Variants in ASAP1 observed in about 807,000 individuals in gnomAD.
ASAP1 encodes the protein arf-GAP with SH3 domain, ANK repeat and PH domain-containing protein 1.
A neutral mutation model predicts 145.2 loss-of-function variants in ASAP1; 43 were observed. The ratio of observed to expected loss-of-function variants is 0.30; its 90% confidence interval spans 0.23 to 0.38. The LOEUF (loss-of-function observed/expected upper bound fraction) is 0.38. Ranked by LOEUF, ASAP1 falls within the 10% of genes least tolerant of loss-of-function variation. The pLI, the probability that ASAP1 is intolerant of heterozygous loss-of-function variation, is 1.00. For synonymous variants in ASAP1, 546 were observed against 515.5 expected (o/e 1.06, Z -0.80); for missense variants, 1,018 against 1,355.3 (o/e 0.75, Z 3.91).
At chr8:130,160,039 G>C (rs1482298298) in intron 11 of ASAP1, 75 bp from the exon 12 acceptor site, 4 of 1,291,992 alleles carry the variant, frequency 3.1e-6, no homozygotes, top group African/African-American at 2.9e-5. Flanking sequence ...CTGCCATTGA[G>C]CCTTTGGCAC....
chr8:130,232,900 C>T (rs1817995014), intron 4 of ASAP1, among the ~76,000 whole-genome samples: 2 of 152,180 alleles, frequency 1.3e-5, no homozygotes, highest in Non-Finnish European at 2.9e-5. Context: ...TAGCAGGGTT[C>T]AGCTTCTTGT....
chr8:130,373,069 T>A (rs1827295282), intron 2 of ASAP1, among the ~76,000 whole-genome samples: 1 of 119,916 alleles, frequency 8.3e-6, no homozygotes, highest in African/African-American at 3.3e-5. Context: ...GACACAGACA[T>A]AAGCACACAC....
chr8:130,323,513 T>C (rs181211481), intron 3 of ASAP1, among the ~76,000 whole-genome samples: 195 of 152,300 alleles, frequency 1.3e-3, no homozygotes, highest in African/African-American at 4.5e-3. Flanking sequence ...CCCTGTCATG[T>C]TGGATAAGAA....
At chr8:130,223,913 A>G (rs1817440422) in intron 4 of ASAP1, among the ~76,000 whole-genome samples, 1 of 152,174 alleles carries the variant, frequency 6.6e-6, no homozygotes, top group Non-Finnish European at 1.5e-5. Context: ...TAGCTGGGAT[A>G]CACGCATTAT....
rs372696638 is a variant in ASAP1, at chr8:130,346,984, G to A, written c.186+11033C>T. 1.2e-4 allele frequency among the ~76,000 whole-genome samples: 18 copies of A among 152,270 alleles called. No homozygotes were observed. The East Asian group carries it at 1.9e-3, about 16-fold the overall frequency. On this transcript the variant is annotated intron_variant, in intron 3 of 29. Transcript: ENST00000518721. ...AAAACAATGAAGACAATTTTATTTC[G>A]TATGTAACTGGGCAGTGAAGAAGCC... is the stretch of plus-strand genomic sequence containing the variant.
rs1487758951 is a variant in ASAP1 at position 130,053,208 on chromosome 8, A to G, written c.*1523T>C. On this transcript the variant is annotated 3_prime_UTR_variant, in exon 30 of 30. Transcript: ENST00000518721. ...GGAGTTGTGCTTCTGTGAAATTAAC[A>G]TCTCTCACTCATTGCCAAGATTCTC... 6.6e-6 allele frequency: 1 copy of G among 152,216 alleles called. No homozygotes were observed. Among genetic ancestry groups the G allele is most frequent in the Non-Finnish European group, 1.5e-5 (1 of 68,038 alleles). The allele number at this position is 152,216 out of a possible 1,614,324, so 9.4% of individuals were successfully genotyped here.
intron 18 of ASAP1, among the ~76,000 whole-genome samples, chr8:130,120,990 C>T (rs1213015765): frequency 6.6e-6 from 1 of 152,156 alleles, no homozygotes; most frequent in Non-Finnish European, 1.5e-5. Context: ...TTATCTGCTC[C>T]GTTTTTGTTA....
chr8:130,180,948 T>C (rs1745595984), intron 7 of ASAP1, 68 bp from the exon 8 acceptor site: 8 of 1,420,098 alleles, frequency 5.6e-6, no homozygotes, highest in Non-Finnish European at 7.7e-6. Flanking sequence ...CAACAGCAGA[T>C]CCTAATACAA....
intron 3 of ASAP1, among the ~76,000 whole-genome samples, chr8:130,325,460 C>G (rs1824266034): frequency 6.6e-6 from 1 of 152,212 alleles, no homozygotes; most frequent in Non-Finnish European, 1.5e-5. Flanking sequence ...TAGCACTTAT[C>G]ATATTTTGTT....
At chr8:130,338,256 C>T (rs2137879887) in intron 3 of ASAP1, among the ~76,000 whole-genome samples, 1 of 152,320 alleles carries the variant, frequency 6.6e-6, no homozygotes, top group Non-Finnish European at 1.5e-5. Flanking sequence ...AAGTAACTTG[C>T]CCAAAACTGC....
chr8:130,125,168 T>C lies in ASAP1; in HGVS notation c.1515+788A>G, dbSNP rs369672285. Among the ~76,000 whole-genome samples the C allele has an allele frequency of 2.3e-4, 35 of 152,266 alleles. 1 individual carries two copies. The highest frequency in any genetic ancestry group is 7.9e-4 in the African/African-American group (33 of 41,542). ...GGTGAGCCTCCTGTCTGAGAAGTCA[T>C]ACTTTATTTTAAAAATTTCACTCTT... On this transcript the variant is annotated intron_variant, in intron 17 of 29. Transcript: ENST00000518721.
chr8:130,375,403 A>G (rs1017776741), intron 2 of ASAP1, among the ~76,000 whole-genome samples: 2 of 151,980 alleles, frequency 1.3e-5, no homozygotes, highest in African/African-American at 4.8e-5. Flanking sequence ...AAAGTAATGC[A>G]AGCAAAATGA....
intron 27 of ASAP1, among the ~76,000 whole-genome samples, chr8:130,072,824 T>TGTGCGTGTGC: frequency 9.3e-5 from 3 of 32,282 alleles, no homozygotes; most frequent in Non-Finnish European, 1.7e-4. Flanking sequence ...TGTGTGTGTG[T>TGTGCGTGTGC]GCGCGCGGGG....
In ASAP1 at chr8:130,210,178, A is replaced by C. The variant is rs528620232; in HGVS notation, c.405+4378T>G. Among the ~76,000 whole-genome samples, 44 of 152,314 alleles carry C rather than the reference A, an allele frequency of 2.9e-4. 1 individual carries two copies. Among genetic ancestry groups the C allele is most frequent in the African/African-American group, 1.1e-3 (44 of 41,558 alleles). On this transcript the variant is annotated intron_variant, in intron 5 of 29. Coordinates refer to ENST00000518721, the MANE Select transcript of ASAP1 (RefSeq NM_018482.4). The stretch of plus-strand genomic sequence containing the variant: ...CCATCTACCTCAACTAAAACAATAA[A>C]TTGCAACAAAATGAATACAGAAGTA...
At chr8:130,255,459 A>AT (rs35072710) in intron 3 of ASAP1, among the ~76,000 whole-genome samples, 19 of 151,834 alleles carry the variant, frequency 1.3e-4, no homozygotes, top group African/African-American at 4.1e-4. Context: ...ACCTTTGCAT[A>AT]TTTTTTTTCC....
chr8:130,267,133 A>C (rs1031906914), intron 3 of ASAP1, among the ~76,000 whole-genome samples: 2 of 112,640 alleles, frequency 1.8e-5, no homozygotes, highest in African/African-American at 2.6e-5. Flanking sequence ...CAAAAAAAAA[A>C]CAAAACAAAA....
intron 1 of ASAP1, 124 bp from the exon 2 acceptor site, chr8:130,402,094 CCA>C (rs1828823270): frequency 4.9e-6 from 3 of 607,136 alleles, no homozygotes; most frequent in Non-Finnish European, 2.8e-6. Flanking sequence ...TGTTCTTGCA[CCA>C]CAGAGTGGCT....
intron 2 of ASAP1, among the ~76,000 whole-genome samples, chr8:130,390,512 C>T (rs1468599235): frequency 1.3e-5 from 2 of 152,200 alleles, no homozygotes; most frequent in South Asian, 4.1e-4. Context: ...TTACACCTAC[C>T]ATACTGGACT....
intron 7 of ASAP1, among the ~76,000 whole-genome samples, chr8:130,182,971 A>G (rs1238895313): frequency 6.6e-6 from 1 of 151,886 alleles, no homozygotes; most frequent in Non-Finnish European, 1.5e-5. Context: ...ATAGAACAGA[A>G]AAGAGAAGAA....
Sources: allele counts gnomAD v4.1 joint callset (sites outside exome capture counted in the v4.1 genomes callset), GRCh38; gene constraint gnomAD v4.1.1; transcripts MANE v1.5; gene names NCBI Gene and HGNC (gene_info 2026-07-23, HGNC 2026-07-21).